ZCCHC4: variants seen among roughly 807,000 people sequenced by gnomAD.
ZCCHC4 encodes the protein zinc finger CCHC-type containing 4.
Under a neutral mutation model 67.7 loss-of-function variants are expected in ZCCHC4, and 54 were observed. The observed-to-expected ratio is 0.80, with a 90% CI of 0.64 to 1.00. The LOEUF is 1.00. Ranked by LOEUF, ZCCHC4 falls within the 50% of genes least tolerant of loss-of-function variation. The pLI is 0.00. For missense variants in ZCCHC4, 609 were observed against 617.0 expected, an observed-to-expected ratio of 0.99 and a Z score of 0.14; for synonymous variants, 198 against 213.5, an observed-to-expected ratio of 0.93 and a Z score of 0.63.
At chr4:25,334,453 G>T (rs1719351841) in intron 5 of ZCCHC4, among the ~76,000 whole-genome samples, 1 of 152,212 alleles carries the variant, frequency 6.6e-6, no homozygotes, top group African/African-American at 2.4e-5. Flanking sequence ...TGAAGGGAGT[G>T]CTAAGTAGGG....
chr4:25,342,823 T>C (rs1246583503), intron 5 of ZCCHC4, among the ~76,000 whole-genome samples: 3 of 152,242 alleles, frequency 2.0e-5, no homozygotes, highest in East Asian at 1.9e-4. Flanking sequence ...TCTCAAATTA[T>C]GTATTTGATG....
chr4:25,366,477 G>A (rs1327461822), intron 12 of ZCCHC4, among the ~76,000 whole-genome samples: 2 of 151,802 alleles, frequency 1.3e-5, no homozygotes, highest in Non-Finnish European at 2.9e-5. Flanking sequence ...CACCATGCCC[G>A]GCTTACTTTT....
At chr4:25,333,884 A>G (rs1560404712) in intron 4 of ZCCHC4, 24 bp from the exon 5 acceptor site, 1 of 1,524,086 alleles carries the variant, frequency 6.6e-7, no homozygotes, top group Non-Finnish European at 8.9e-7. Context: ...ATCTTATTAC[A>G]TTTGCTTTCA....
chr4:25,354,072 C>T (rs572234428), intron 8 of ZCCHC4, among the ~76,000 whole-genome samples: 5 of 152,220 alleles, frequency 3.3e-5, no homozygotes, highest in East Asian at 1.9e-4. Flanking sequence ...CCTAATAATT[C>T]GTGCCCTTAG....
chr4:25,365,239 A>G, intron 12 of ZCCHC4, 73 bp downstream of exon 12: 1 of 1,581,504 alleles, frequency 6.3e-7, no homozygotes, highest in Non-Finnish European at 8.6e-7. Flanking sequence ...AAAGCATGCA[A>G]CATTCAGAGG....
At chr4:25,321,741 C>G (rs1440804905) in intron 3 of ZCCHC4, among the ~76,000 whole-genome samples, 1 of 151,254 alleles carries the variant, frequency 6.6e-6, no homozygotes, top group Non-Finnish European at 1.5e-5. Flanking sequence ...TCTGGAACTC[C>G]TGGAATCAAG....
chr4:25,329,873 C>T (rs1176291038), intron 3 of ZCCHC4, among the ~76,000 whole-genome samples: 4 of 152,130 alleles, frequency 2.6e-5, no homozygotes, highest in East Asian at 1.9e-4. Context: ...TTAACAGGCT[C>T]ATGCTTTCCT....
At chr4:25,340,145 G>A (rs1418657085) in intron 5 of ZCCHC4, among the ~76,000 whole-genome samples, 1 of 152,144 alleles carries the variant, frequency 6.6e-6, no homozygotes, top group Admixed American at 6.5e-5. Context: ...TGGGATTAAA[G>A]GCATGAGCCA....
intron 2 of ZCCHC4, 123 bp downstream of exon 2, chr4:25,314,287 G>T: frequency 1.6e-6 from 1 of 622,598 alleles, no homozygotes; most frequent in Non-Finnish European, 2.8e-6. Flanking sequence ...AAGAGAGATG[G>T]AGATACTATG....
intron 10 of ZCCHC4, 122 bp downstream of exon 10, chr4:25,362,423 T>C: frequency 3.7e-6 from 2 of 544,814 alleles, no homozygotes; most frequent in Non-Finnish European, 5.8e-6. Context: ...GTATTATCAT[T>C]TATTAATTAT....
intron 3 of ZCCHC4, among the ~76,000 whole-genome samples, chr4:25,328,973 A>G (rs1428601722): frequency 2.0e-5 from 3 of 151,940 alleles, no homozygotes. Context: ...GGGTCACTTG[A>G]GCCCAGGAGT....
At chr4:25,317,572 C>G (rs35807027) in intron 3 of ZCCHC4, among the ~76,000 whole-genome samples, 2 of 151,722 alleles carry the variant, frequency 1.3e-5, no homozygotes, top group Non-Finnish European at 2.9e-5. Context: ...ATTAGCCAGG[C>G]GTAGTGGCAG....
At chr4:25,337,516 G>A (rs1419092413) in intron 5 of ZCCHC4, among the ~76,000 whole-genome samples, 1 of 152,188 alleles carries the variant, frequency 6.6e-6, no homozygotes, top group Non-Finnish European at 1.5e-5. Context: ...TGATTAGCCT[G>A]GCTGGGGTCA....
intron 3 of ZCCHC4, among the ~76,000 whole-genome samples, chr4:25,318,349 C>CTTTTTTT (rs528144406): frequency 5.1e-3 from 231 of 45,504 alleles, no homozygotes; most frequent in Non-Finnish European, 6.0e-3. Flanking sequence ...CACTCTCTCT[C>CTTTTTTT]TTTTTTTTTT....
At chr4:25,350,972 G>A (rs915469721) in intron 7 of ZCCHC4, among the ~76,000 whole-genome samples, 14 of 152,106 alleles carry the variant, frequency 9.2e-5, no homozygotes, top group African/African-American at 3.4e-4. Context: ...ATAGCTTAGT[G>A]TAAGCACTAT....
chr4:25,353,138 C>G (rs908754348), intron 8 of ZCCHC4, among the ~76,000 whole-genome samples: 1 of 152,000 alleles, frequency 6.6e-6, no homozygotes, highest in Non-Finnish European at 1.5e-5. Flanking sequence ...CAGGCTATTC[C>G]CTTCTTTTTG....
intron 5 of ZCCHC4, among the ~76,000 whole-genome samples, chr4:25,344,195 TTTATAAAATG>T (rs1033315323): frequency 6.6e-6 from 1 of 151,986 alleles, no homozygotes; most frequent in Non-Finnish European, 1.5e-5. Context: ...TTAGCAGGAA[TTTATAAAATG>T]TTAATACCCA....
At chr4:25,312,985 A>G (rs945786038) in intron 1 of ZCCHC4, 49 bp downstream of exon 1, 1 of 1,599,920 alleles carries the variant, frequency 6.3e-7, no homozygotes, top group African/African-American at 1.3e-5. Flanking sequence ...TGAGGGTGTG[A>G]GTTGGCTTGG....
chr4:25,352,487 C>A, intron 8 of ZCCHC4: 2 of 745,830 alleles, frequency 2.7e-6, no homozygotes, highest in Non-Finnish European at 3.3e-6. Flanking sequence ...CGGCTCACTG[C>A]AACCTCTGCT....
Sources: gnomAD v4.1 joint callset for allele counts (sites outside exome capture counted in the v4.1 genomes callset) on GRCh38, gnomAD v4.1.1 for gene constraint, MANE v1.5 for transcripts, NCBI Gene and HGNC (gene_info 2026-07-23, HGNC 2026-07-21) for gene names.